Variants in REXO2 observed in about 807,000 individuals in gnomAD.
REXO2 encodes the protein oligoribonuclease, mitochondrial.
A neutral mutation model predicts 30.9 loss-of-function variants in REXO2; 17 were observed. That is an observed-to-expected ratio of 0.55 (90% confidence interval 0.38 to 0.82). REXO2 has a LOEUF of 0.82. Among genes scored for constraint, REXO2 ranks in the 40% least tolerant of loss-of-function variants. The probability of loss-of-function intolerance (pLI) is 0.00; values close to 1 mark genes in which losing one functional copy is unlikely to be tolerated. For missense variants in REXO2, 253 were observed against 293.2 expected, an observed-to-expected ratio of 0.86 and a Z score of 1.00; for synonymous variants, 105 against 99.6, an observed-to-expected ratio of 1.05 and a Z score of -0.32.
Position 114,440,601 on chromosome 11 carries a change from A to G in REXO2, c.148-55A>G. Reference sequence around the variant, plus strand: ...GAATTCCTGTTAAATAAACTTGGGTAAAAGAGGCCAGAATGATGGCTTTGT... The same window carrying G: ...GAATTCCTGTTAAATAAACTTGGGTGAAAGAGGCCAGAATGATGGCTTTGT... On this transcript the variant is annotated intron_variant, in intron 1 of 6. Transcript: ENST00000265881. 5 of 1,353,320 alleles carry G rather than the reference A, an allele frequency of 3.7e-6. No individual in the cohort carries two copies. The Admixed American group carries it at 8.8e-5, about 24-fold the overall frequency. The allele number at this position is 1,353,320 out of a possible 1,614,324, so 83.8% of individuals were successfully genotyped here.
intron 3 of REXO2, 101 bp downstream of exon 3, chr11:114,444,034 A>G: frequency 1.2e-6 from 1 of 853,590 alleles, no homozygotes; most frequent in Admixed American, 2.1e-5. Flanking sequence ...TATTTTAAAA[A>G]GGCTTAGAGA....
intron 2 of REXO2, among the ~76,000 whole-genome samples, chr11:114,442,371 G>C (rs1946484653): frequency 6.6e-6 from 1 of 151,810 alleles, no homozygotes; most frequent in South Asian, 2.1e-4. Context: ...TTTTTTAATA[G>C]TATGAGTATT....
At chr11:114,444,515 G>A (rs998789436) in intron 3 of REXO2, 26 bp from the exon 4 acceptor site, 3 of 1,528,164 alleles carry the variant, frequency 2.0e-6, no homozygotes, top group Non-Finnish European at 1.8e-6. Context: ...TGTTTTTGGT[G>A]GGGGGCTGGG....
chr11:114,439,796 G>T, intron 1 of REXO2, 121 bp downstream of exon 1: 1 of 1,242,974 alleles, frequency 8.0e-7, no homozygotes, highest in Non-Finnish European at 1.1e-6. Context: ...AGGTGAGCGC[G>T]GCCGGCCACG....
Position 114,443,853 on chromosome 11 carries a change from C to T in REXO2, c.232-3C>T. 6.2e-7 allele frequency: 1 copy of T among 1,602,830 alleles called. No homozygotes were observed. Reference sequence around the variant, plus strand: ...GGTGACTGATGGCGTTTCCCATCCACAGGGTCCTAACCTGATTATAAAACA... The same window carrying T: ...GGTGACTGATGGCGTTTCCCATCCATAGGGTCCTAACCTGATTATAAAACA... On this transcript the variant is annotated splice_polypyrimidine_tract_variant and splice_region_variant and intron_variant, in intron 2 of 6. Transcript: ENST00000265881.
chr11:114,442,645 A>C (rs1946486126), intron 2 of REXO2, among the ~76,000 whole-genome samples: 1 of 152,180 alleles, frequency 6.6e-6, no homozygotes, highest in Non-Finnish European at 1.5e-5. Flanking sequence ...CAGAGAGTTC[A>C]AAGAGCTCAT....
intron 3 of REXO2, 90 bp downstream of exon 3, chr11:114,444,023 G>A: frequency 1.1e-6 from 1 of 922,756 alleles, no homozygotes; most frequent in East Asian, 2.6e-5. Flanking sequence ...TTGTTGGATG[G>A]TATTTTAAAA....
chr11:114,442,599 G>T (rs889903370), intron 2 of REXO2, among the ~76,000 whole-genome samples: 2 of 152,108 alleles, frequency 1.3e-5, no homozygotes, highest in African/African-American at 4.8e-5. Context: ...CACCTTAGTA[G>T]TAATAATACC....
At chr11:114,449,771 A>G (rs1946533773) in intron 6 of REXO2, 75 bp from the exon 7 acceptor site, 3 of 1,494,372 alleles carry the variant, frequency 2.0e-6, no homozygotes, top group South Asian at 2.6e-5. Context: ...GTCGTTTTTT[A>G]AAAGTTGTAC....
At position 114,440,698 on chromosome 11, in the gene REXO2, G is replaced by A. The variant is rs1306917181; in HGVS notation, c.190G>A (p.Ala64Thr). ...DIEKDQIIEM[A>T]CLITDSDLNI... Reference sequence around the variant, plus strand: ...TGAGAAGGACCAGATTATTGAGATGGCCTGTCTGATAACTGACTCTGATCT... The same window carrying A: ...TGAGAAGGACCAGATTATTGAGATGACCTGTCTGATAACTGACTCTGATCT... Residue 64 changes from alanine to threonine, a missense_variant, in exon 2 of 7, where the codon GCC (alanine) becomes ACC (threonine). Coordinates refer to ENST00000265881, the MANE Select transcript of REXO2 (RefSeq NM_015523.4). 1.2e-6 allele frequency: 2 copies of A among 1,613,850 alleles called. No individual in the cohort carries two copies. The highest frequency in any genetic ancestry group is 1.7e-6 in the Non-Finnish European group (2 of 1,179,828).
rs368409539 is a variant in REXO2 at position 114,439,490 on chromosome 11, C to T, written c.-39C>T. The T allele has an allele frequency of 6.9e-6, 11 of 1,595,906 alleles. No individual in the cohort carries two copies. The African/African-American group carries it at 1.3e-4, about 19-fold the overall frequency. The stretch of plus-strand genomic sequence containing the variant: ...GCGACTATTGCGCCTGCGCCAGCGC[C>T]GGCTGCGAGACTGGGGCCGTGGCTG... On this transcript the variant is annotated 5_prime_UTR_variant, in exon 1 of 7. Coordinates refer to ENST00000265881, the MANE Select transcript of REXO2 (RefSeq NM_015523.4).
chr11:114,440,102 A>G, intron 1 of REXO2: 1 of 468,234 alleles, frequency 2.1e-6, no homozygotes, highest in Non-Finnish European at 4.2e-6. Flanking sequence ...CTCATTCCAT[A>G]AGTGAGAACA....
rs1946533544 is a variant in REXO2, at chr11:114,449,740, A to G, written c.585-106A>G. 4.7e-6 allele frequency: 5 copies of G among 1,074,140 alleles called. 1 individual carries two copies. Among genetic ancestry groups the G allele is most frequent in the Admixed American group, 2.6e-5 (1 of 38,490 alleles). 66.5% of individuals were successfully genotyped at this position (1,074,140 alleles called of 1,614,324 possible). On this transcript the variant is annotated intron_variant, in intron 6 of 6. Coordinates refer to ENST00000265881, the MANE Select transcript of REXO2 (RefSeq NM_015523.4). ...GATGATGCTAGACAGTGACACTTAC[A>G]GTAACATCCATTGTTCTTAAGTCGT...
rs1946507812 is a variant in REXO2 at position 114,446,007 on chromosome 11, T to C, written c.450T>C (p.Phe150=). ...AGNSVHEDKK[F]LDKYMPQFMK... is the part of the protein sequence containing the mutation. ...ATTCAGTTCATGAAGATAAGAAGTT[T>C]CTTGACAAATACATGCCCCAGTTCA... Residue 150 remains phenylalanine, a synonymous_variant, in exon 5 of 7, where the codon TTT becomes TTC. Coordinates refer to ENST00000265881, the MANE Select transcript of REXO2 (RefSeq NM_015523.4). 2.5e-6 allele frequency: 4 copies of C among 1,607,288 alleles called. No individual in the cohort carries two copies. In the East Asian group the frequency reaches 8.9e-5, roughly 36 times the overall value.
chr11:114,439,856 C>G (rs1009171574), intron 1 of REXO2, 181 bp downstream of exon 1: 3 of 681,804 alleles, frequency 4.4e-6, no homozygotes, highest in Non-Finnish European at 7.1e-6. Context: ...TGTTGGGCGC[C>G]GTGCTGCGCT....
chr11:114,444,022 G>A, intron 3 of REXO2, 89 bp downstream of exon 3: 2 of 920,646 alleles, frequency 2.2e-6, no homozygotes, highest in Non-Finnish European at 3.5e-6. Flanking sequence ...ATTGTTGGAT[G>A]GTATTTTAAA....
chr11:114,441,665 A>G (rs1946478916), intron 2 of REXO2: 2 of 694,916 alleles, frequency 2.9e-6, no homozygotes, highest in Admixed American at 2.0e-5. Flanking sequence ...AAGTTCCTAG[A>G]GGGTAGCATT....
In REXO2 at chr11:114,440,697, G is replaced by T. The variant is rs931985359; in HGVS notation, c.189G>T (p.Met63Ile). 6.2e-7 allele frequency: 1 copy of T among 1,613,814 alleles called. No homozygotes were observed. Among genetic ancestry groups the T allele is most frequent in the Non-Finnish European group, 8.5e-7 (1 of 1,179,830 alleles). Reference sequence around the variant, plus strand: ...TTGAGAAGGACCAGATTATTGAGATGGCCTGTCTGATAACTGACTCTGATC... The same window carrying T: ...TTGAGAAGGACCAGATTATTGAGATTGCCTGTCTGATAACTGACTCTGATC... ...LDIEKDQIIE[M>I]ACLITDSDLN... The change falls in exon 2 of 7, where the codon ATG becomes ATT. Residue 63 changes from methionine to isoleucine, a missense_variant. Met to Ile is a conservative substitution (Grantham distance 10, BLOSUM62 1). Transcript: ENST00000265881.
chr11:114,440,537 C>T (rs1946469428), intron 1 of REXO2, 119 bp from the exon 2 acceptor site: 4 of 715,762 alleles, frequency 5.6e-6, no homozygotes, highest in Admixed American at 2.5e-5. Context: ...TCTTTCTCTT[C>T]TGTTTCGGCT....
Sources: allele counts gnomAD v4.1 joint callset (sites outside exome capture counted in the v4.1 genomes callset), GRCh38; gene constraint gnomAD v4.1.1; transcripts MANE v1.5; gene names NCBI Gene and HGNC (gene_info 2026-07-23, HGNC 2026-07-21).